Variants in PCDH9 observed in about 807,000 individuals in gnomAD.
The protein encoded by PCDH9 is protocadherin-9.
Under a neutral mutation model 70.6 loss-of-function variants are expected in PCDH9, and 24 were observed. That is an observed-to-expected ratio of 0.34 (90% CI 0.25 to 0.48). The LOEUF is 0.48. Among genes scored for constraint, PCDH9 ranks in the 20% least tolerant of loss-of-function variants. The pLI is 0.99. For missense variants in PCDH9, 1,281 were observed against 1,503.6 expected (o/e 0.85, Z 2.45); for synonymous variants, 562 against 558.5 (o/e 1.01, Z -0.09).
intron 4 of PCDH9, among the ~76,000 whole-genome samples, chr13:66,603,095 A>G (rs2077182288): frequency 1.4e-5 from 2 of 146,016 alleles, no homozygotes; most frequent in Admixed American, 1.4e-4. Context: ...ACACATCCCC[A>G]TCGTTAAGTG....
intron 2 of PCDH9, among the ~76,000 whole-genome samples, chr13:67,173,714 T>C (rs1203615573): frequency 6.6e-6 from 1 of 152,190 alleles, no homozygotes; most frequent in Non-Finnish European, 1.5e-5. Flanking sequence ...TTGATATGTT[T>C]TGAATTTCGA....
chr13:66,962,835 A>G (rs1476839649), intron 2 of PCDH9, among the ~76,000 whole-genome samples: 1 of 152,096 alleles, frequency 6.6e-6, no homozygotes, highest in Non-Finnish European at 1.5e-5. Context: ...GTTGGGGGCC[A>G]GGGGTATTGG....
chr13:66,662,705 G>A (rs1400796432), intron 3 of PCDH9, among the ~76,000 whole-genome samples: 1 of 152,178 alleles, frequency 6.6e-6, no homozygotes, highest in African/African-American at 2.4e-5. Context: ...GACATAAGGA[G>A]TTGGTGGTGT....
intron 3 of PCDH9, among the ~76,000 whole-genome samples, chr13:66,759,709 C>CTACAACAGG (rs752000759): frequency 6.6e-6 from 1 of 151,114 alleles, no homozygotes; most frequent in African/African-American, 2.4e-5. Context: ...CATTTTATAG[C>CTACAACAGG]TTATAAAAAC....
intron 4 of PCDH9, among the ~76,000 whole-genome samples, chr13:66,404,968 G>A (rs918775754): frequency 6.6e-6 from 1 of 152,076 alleles, no homozygotes; most frequent in Middle Eastern, 3.4e-3. Flanking sequence ...CTATTTAGAT[G>A]TTATGTCTAT....
chr13:66,362,341 C>T (rs1956485001), intron 4 of PCDH9, among the ~76,000 whole-genome samples: 3 of 152,160 alleles, frequency 2.0e-5, no homozygotes, highest in South Asian at 2.1e-4. Flanking sequence ...TCTGTGAGCA[C>T]TCCATTTCAA....
chr13:66,372,709 T>G (rs1021701508), intron 4 of PCDH9, among the ~76,000 whole-genome samples: 2 of 151,744 alleles, frequency 1.3e-5, no homozygotes, highest in Admixed American at 1.3e-4. Flanking sequence ...ACAAATATAA[T>G]GATCTGGGTA....
chr13:66,539,760 A>AT (rs559473061), intron 4 of PCDH9, among the ~76,000 whole-genome samples: 8 of 151,234 alleles, frequency 5.3e-5, no homozygotes, highest in Non-Finnish European at 7.4e-5. Flanking sequence ...AACATTTACA[A>AT]TTTTTTTTGC....
chr13:66,882,060 C>T (rs2081930920), intron 3 of PCDH9, among the ~76,000 whole-genome samples: 1 of 152,082 alleles, frequency 6.6e-6, no homozygotes, highest in African/African-American at 2.4e-5. Flanking sequence ...AATACTTGGG[C>T]TAGAGAGCCA....
intron 2 of PCDH9, among the ~76,000 whole-genome samples, chr13:67,001,181 C>T (rs1200847087): frequency 6.6e-6 from 1 of 152,122 alleles, no homozygotes; most frequent in Non-Finnish European, 1.5e-5. Context: ...GTTTTTATAA[C>T]AACATACATA....
chr13:66,839,734 G>T (rs533923270), intron 3 of PCDH9, among the ~76,000 whole-genome samples: 31 of 152,098 alleles, frequency 2.0e-4, no homozygotes, highest in Non-Finnish European at 3.8e-4. Flanking sequence ...GTCTCCACCA[G>T]GGCTTAGAGT....
At chr13:66,308,344 A>T (rs911136144) in intron 4 of PCDH9, among the ~76,000 whole-genome samples, 1 of 152,082 alleles carries the variant, frequency 6.6e-6, no homozygotes, top group African/African-American at 2.4e-5. Flanking sequence ...TTCTTTGTAC[A>T]TTGTACTTCC....
intron 2 of PCDH9, among the ~76,000 whole-genome samples, chr13:66,985,104 G>A (rs921910314): frequency 1.8e-4 from 27 of 151,974 alleles, no homozygotes; most frequent in Non-Finnish European, 2.9e-5. Flanking sequence ...GTACCTCACT[G>A]GCCTAGCCAT....
chr13:66,586,876 CATCAT>C lies in PCDH9; in HGVS notation c.3340+44329_3340+44333del, dbSNP rs1412427098. On this transcript the variant is annotated intron_variant, in intron 4 of 4. Coordinates refer to ENST00000377865, the MANE Select transcript of PCDH9 (RefSeq NM_203487.3). ...ATAGATTTTAAACAACCTCTCATCT[CATCAT>C]GAGTATCAACACTTTTGTTGTTGTA... Among the ~76,000 whole-genome samples, 159 of 152,214 alleles carry C rather than the reference CATCAT, an allele frequency of 1.0e-3. 1 individual carries two copies. The highest frequency in any genetic ancestry group is 3.7e-3 in the African/African-American group (152 of 41,554).
intron 2 of PCDH9, among the ~76,000 whole-genome samples, chr13:67,127,653 A>G (rs1254279296): frequency 6.9e-6 from 1 of 145,816 alleles, no homozygotes; most frequent in African/African-American, 2.6e-5. Context: ...TCATTTCAAG[A>G]CTTTTTTATC....
chr13:67,201,495 C>T (rs939529106), intron 2 of PCDH9: 7 of 151,864 alleles, frequency 4.6e-5, no homozygotes, highest in East Asian at 1.9e-4. Flanking sequence ...CAACTTAAAT[C>T]ATTTATCACA....
At chr13:66,765,018 TTC>T (rs989977529) in intron 3 of PCDH9, among the ~76,000 whole-genome samples, 2 of 150,814 alleles carry the variant, frequency 1.3e-5, no homozygotes, top group African/African-American at 4.9e-5. Context: ...CTCTGTCTCT[TTC>T]TCTTTCGCTC....
Position 66,519,131 on chromosome 13 carries a change from G to A in PCDH9, c.3340+112079C>T, listed in dbSNP as rs1191841316. Among the ~76,000 whole-genome samples the A allele has an allele frequency of 2.0e-5, 3 of 152,254 alleles. No individual in the cohort carries two copies. In the East Asian group the frequency reaches 5.8e-4, roughly 29 times the overall value. ...TAACTGAACACATGAGCTGTATAAA[G>A]TTGGGCTGGTTATCTCCACTGGCAG... On this transcript the variant is annotated intron_variant, in intron 4 of 4. Coordinates refer to ENST00000377865, the MANE Select transcript of PCDH9 (RefSeq NM_203487.3).
intron 2 of PCDH9, among the ~76,000 whole-genome samples, chr13:67,011,559 T>C (rs1411654182): frequency 6.6e-6 from 1 of 151,822 alleles, no homozygotes; most frequent in Non-Finnish European, 1.5e-5. Flanking sequence ...GTACAGCACC[T>C]ACCCATCACA....
Sources: gnomAD v4.1 joint callset for allele counts (sites outside exome capture counted in the v4.1 genomes callset) on GRCh38, gnomAD v4.1.1 for gene constraint, MANE v1.5 for transcripts, NCBI Gene and HGNC (gene_info 2026-07-23, HGNC 2026-07-21) for gene names.